The following PDK1 variants were observed in gnomAD, a reference collection of about 807,000 sequenced individuals.
PDK1 encodes [Pyruvate dehydrogenase (acetyl-transferring)] kinase isozyme 1, mitochondrial.
Under a neutral mutation model 54.2 loss-of-function variants are expected in PDK1, and 39 were observed. That is an observed-to-expected ratio of 0.72 (90% CI 0.56 to 0.94). The LOEUF (loss-of-function observed/expected upper bound fraction) is 0.94. Ranked by LOEUF, PDK1 falls within the 40% of genes least tolerant of loss-of-function variation. The probability of loss-of-function intolerance (pLI) is 0.00; values close to 1 mark genes in which losing one functional copy is unlikely to be tolerated. For synonymous variants in PDK1, 221 were observed against 207.1 expected, an observed-to-expected ratio of 1.07 and a Z score of -0.58; for missense variants, 552 against 566.0, an observed-to-expected ratio of 0.98 and a Z score of 0.25.
the PDK1 span, among the ~76,000 whole-genome samples, chr2:172,714,118 G>A: frequency 4.6e-5 from 7 of 152,054 alleles, no homozygotes; most frequent in African/African-American, 1.2e-4. Flanking sequence ...TGTTGCTAGC[G>A]TACTCCTTAA....
the PDK1 span, among the ~76,000 whole-genome samples, chr2:172,667,754 C>T: frequency 6.6e-6 from 1 of 152,154 alleles, no homozygotes; most frequent in East Asian, 1.9e-4. Context: ...TTTACATCAC[C>T]ATCACATACT....
the PDK1 span, among the ~76,000 whole-genome samples, chr2:172,628,778 G>A: frequency 8.4e-3 from 1,275 of 151,808 alleles, 14 homozygotes; most frequent in African/African-American, 0.029. Flanking sequence ...CAGATTTAAC[G>A]TCTCCATTCC....
chr2:172,625,061 G>T, the PDK1 span, among the ~76,000 whole-genome samples: 1 of 152,016 alleles, frequency 6.6e-6, no homozygotes, highest in Admixed American at 6.6e-5. Flanking sequence ...TGAATCCAGG[G>T]AGAAAACATG....
the PDK1 span, among the ~76,000 whole-genome samples, chr2:172,650,902 G>A: frequency 6.6e-6 from 1 of 152,124 alleles, no homozygotes; most frequent in African/African-American, 2.4e-5. Context: ...ACACCCCACT[G>A]TCAACATTAG....
chr2:172,621,511 ATACT>A, the PDK1 span, among the ~76,000 whole-genome samples: 1 of 149,514 alleles, frequency 6.7e-6, no homozygotes, highest in Non-Finnish European at 1.5e-5. Context: ...ATGTGAGTTA[ATACT>A]TAATAAACTC....
chr2:172,705,862 G>T, the PDK1 span, among the ~76,000 whole-genome samples: 1 of 152,152 alleles, frequency 6.6e-6, no homozygotes, highest in Non-Finnish European at 1.5e-5. Flanking sequence ...TTCTAAATCT[G>T]TTTACAGAAA....
the PDK1 span, among the ~76,000 whole-genome samples, chr2:172,703,446 A>T: frequency 9.5e-4 from 145 of 152,286 alleles, 1 homozygote; most frequent in African/African-American, 3.2e-3. Context: ...TCATTTTCCT[A>T]TCTTATTTAA....
chr2:172,577,217 G>A (rs1336148078), intron 8 of PDK1, among the ~76,000 whole-genome samples: 1 of 152,000 alleles, frequency 6.6e-6, no homozygotes, highest in Non-Finnish European at 1.5e-5. Flanking sequence ...TCTTATAACA[G>A]TTTTTGTTTA....
At chr2:172,611,486 A>G (rs986958177), downstream of PDK1, among the ~76,000 whole-genome samples, 1 of 150,340 alleles carries the variant, frequency 6.7e-6, no homozygotes, top group Non-Finnish European at 1.5e-5. Context: ...TTAAGTATGT[A>G]AAAAAAAATT....
At chr2:172,652,432 C>T in the PDK1 span, among the ~76,000 whole-genome samples, 1 of 152,140 alleles carries the variant, frequency 6.6e-6, no homozygotes, top group African/African-American at 2.4e-5. Flanking sequence ...CCTCTCTCAC[C>T]ACTCCTGTTC....
the PDK1 span, among the ~76,000 whole-genome samples, chr2:172,623,717 G>A: frequency 6.6e-6 from 1 of 151,990 alleles, no homozygotes; most frequent in African/African-American, 2.4e-5. Context: ...GCTAAAGACT[G>A]GAGTAAAACC....
the PDK1 span, among the ~76,000 whole-genome samples, chr2:172,640,765 C>T: frequency 6.6e-6 from 1 of 152,090 alleles, no homozygotes; most frequent in Non-Finnish European, 1.5e-5. Context: ...GGACCAAGGG[C>T]CCTCTAAAGG....
the PDK1 span, chr2:172,723,380 T>C: frequency 6.6e-6 from 1 of 152,156 alleles, no homozygotes. Flanking sequence ...ACATTAGAGA[T>C]TTTTTATTTT....
At chr2:172,566,722 C>A (rs1323476423) in intron 5 of PDK1, 134 bp from the exon 6 acceptor site, 56 of 332,564 alleles carry the variant, frequency 1.7e-4, no homozygotes, top group Non-Finnish European at 1.8e-4. Context: ...AGCAGACTTT[C>A]ACCAAACTAT....
At chr2:172,558,942 T>C in intron 2 of PDK1, 93 bp downstream of exon 2, 1 of 1,293,980 alleles carries the variant, frequency 7.7e-7, no homozygotes, top group South Asian at 1.3e-5. Context: ...TGGTGGAATC[T>C]TTTTTGTTTT....
At chr2:172,615,679 ATATCT>A in the PDK1 span, among the ~76,000 whole-genome samples, 1 of 152,204 alleles carries the variant, frequency 6.6e-6, no homozygotes, top group Non-Finnish European at 1.5e-5. Context: ...AGGGTAAGTA[ATATCT>A]TATGCAAAAT....
chr2:172,705,346 G>T, the PDK1 span, among the ~76,000 whole-genome samples: 1 of 152,166 alleles, frequency 6.6e-6, no homozygotes, highest in East Asian at 1.9e-4. Context: ...GATTCCTATA[G>T]GAATTTCTGA....
chr2:172,576,326 G>A (rs1025716801), intron 8 of PDK1, among the ~76,000 whole-genome samples: 1 of 151,490 alleles, frequency 6.6e-6, no homozygotes, highest in Non-Finnish European at 1.5e-5. Context: ...TTTTATTTTT[G>A]TAAGATTGGT....
At chr2:172,616,941 G>A in the PDK1 span, among the ~76,000 whole-genome samples, 1 of 152,006 alleles carries the variant, frequency 6.6e-6, no homozygotes, top group South Asian at 2.1e-4. Flanking sequence ...TAAAAATAAT[G>A]ATTGGTTATT....
Sources: allele counts gnomAD v4.1 joint callset (sites outside exome capture counted in the v4.1 genomes callset), GRCh38; gene constraint gnomAD v4.1.1; transcripts MANE v1.5; gene names NCBI Gene and HGNC (gene_info 2026-07-23, HGNC 2026-07-21).